PDE10A: variants seen among roughly 807,000 people sequenced by gnomAD.
PDE10A encodes the protein cAMP and cAMP-inhibited cGMP 3',5'-cyclic phosphodiesterase 10A.
A neutral mutation model predicts 97.7 loss-of-function variants in PDE10A; 39 were observed. That is an observed-to-expected ratio of 0.40 (90% CI 0.31 to 0.52). The LOEUF is 0.52. PDE10A is among the 20% of genes least tolerant of loss of function. PDE10A has a pLI of 0.56. For synonymous variants in PDE10A, 371 were observed against 376.8 expected, an observed-to-expected ratio of 0.98 and a Z score of 0.18; for missense variants, 731 against 1,047.8, an observed-to-expected ratio of 0.70 and a Z score of 4.17.
intron 18 of PDE10A, among the ~76,000 whole-genome samples, chr6:165,362,316 A>G (rs956007146): frequency 1.3e-5 from 2 of 152,138 alleles, no homozygotes; most frequent in Non-Finnish European, 2.9e-5. Context: ...AAAGACAGAG[A>G]GGGAGAGGGA....
intron 1 of PDE10A, among the ~76,000 whole-genome samples, chr6:165,731,912 G>A (rs943234672): frequency 2.0e-5 from 3 of 152,204 alleles, no homozygotes; most frequent in Admixed American, 2.0e-4. Flanking sequence ...ATATGCCCAT[G>A]TTGTTCAGTT....
At chr6:165,473,276 CA>C (rs1378313138) in intron 3 of PDE10A, among the ~76,000 whole-genome samples, 2 of 152,086 alleles carry the variant, frequency 1.3e-5, no homozygotes, top group African/African-American at 4.8e-5. Flanking sequence ...TAAACATTCC[CA>C]ACTGATATAA....
Position 165,359,102 on chromosome 6 carries a change from T to C in PDE10A, c.2784-15600A>G, listed in dbSNP as rs1783220107. ...CACTACATATGATACAAACCCTATC[T>C]TACCCTAGTATTATTTTTGCTTGAA... On this transcript the variant is annotated intron_variant, in intron 18 of 21. Transcript: ENST00000539869. 2.0e-5 allele frequency among the ~76,000 whole-genome samples: 3 copies of C among 152,032 alleles called. No homozygotes were observed. The South Asian group carries it at 6.2e-4, about 32-fold the overall frequency.
intron 1 of PDE10A, among the ~76,000 whole-genome samples, chr6:165,809,163 C>A (rs115724809): frequency 6.6e-6 from 1 of 152,160 alleles, no homozygotes; most frequent in Non-Finnish European, 1.5e-5. Context: ...CTGGGACCTG[C>A]GATGCTAGTG....
chr6:165,482,832 T>C (rs981065526), intron 2 of PDE10A, among the ~76,000 whole-genome samples: 1 of 152,202 alleles, frequency 6.6e-6, no homozygotes, highest in African/African-American at 2.4e-5. Flanking sequence ...ACATAGTCAT[T>C]AATAATAGTG....
At chr6:165,849,201 A>G (rs1408237582) in intron 1 of PDE10A, among the ~76,000 whole-genome samples, 3 of 149,704 alleles carry the variant, frequency 2.0e-5, no homozygotes, top group Admixed American at 6.8e-5. Flanking sequence ...TACTGTTGTA[A>G]TGACACAGGA....
chr6:165,617,520 C>T (rs1469076505), intron 1 of PDE10A, among the ~76,000 whole-genome samples: 1 of 152,006 alleles, frequency 6.6e-6, no homozygotes, highest in African/African-American at 2.4e-5. Flanking sequence ...TCTGATCGGC[C>T]ATTAATATTA....
chr6:165,842,826 C>T (rs150753795), intron 1 of PDE10A, among the ~76,000 whole-genome samples: 106 of 152,300 alleles, frequency 7.0e-4, no homozygotes, highest in African/African-American at 1.7e-3. Flanking sequence ...GCAGTTAAAA[C>T]GGACTTGGAA....
At chr6:165,353,236 G>A (rs568239890) in intron 18 of PDE10A, among the ~76,000 whole-genome samples, 1 of 152,206 alleles carries the variant, frequency 6.6e-6, no homozygotes, top group Non-Finnish European at 1.5e-5. Flanking sequence ...TTGCTGGTGG[G>A]AATGCAAAAA....
intron 15 of PDE10A, among the ~76,000 whole-genome samples, chr6:165,394,060 TTTATTATTA>T (rs71026685): frequency 6.6e-6 from 1 of 150,930 alleles, no homozygotes; most frequent in South Asian, 2.1e-4. Flanking sequence ...GTTCTAAACA[TTTATTATTA>T]TTATTATTAT....
intron 1 of PDE10A, among the ~76,000 whole-genome samples, chr6:165,550,102 A>G (rs1371866985): frequency 1.3e-5 from 2 of 152,222 alleles, no homozygotes; most frequent in Non-Finnish European, 2.9e-5. Context: ...ACAATTCCAC[A>G]TCACAGTGCT....
chr6:165,453,477 G>T (rs1278163450), intron 3 of PDE10A, among the ~76,000 whole-genome samples: 1 of 152,210 alleles, frequency 6.6e-6, no homozygotes, highest in East Asian at 1.9e-4. Context: ...CCCACCACAG[G>T]CTCAGAGCAG....
chr6:165,358,183 T>A (rs537197675), intron 18 of PDE10A, among the ~76,000 whole-genome samples: 5 of 152,248 alleles, frequency 3.3e-5, no homozygotes, highest in South Asian at 2.1e-4. Context: ...CTCCTAAGAC[T>A]TCAATCTTTT....
chr6:165,775,034 C>A (rs1444637763), intron 1 of PDE10A: 1 of 152,038 alleles, frequency 6.6e-6, no homozygotes, highest in South Asian at 2.1e-4. Context: ...TCCCAGGGGT[C>A]CTGTGAAACG....
intron 1 of PDE10A, among the ~76,000 whole-genome samples, chr6:165,787,702 C>T (rs1778533228): frequency 6.6e-6 from 1 of 152,146 alleles, no homozygotes; most frequent in African/African-American, 2.4e-5. Flanking sequence ...TTCAATAAAA[C>T]TCATTGAACT....
chr6:165,398,497 C>T (rs1786362840), intron 13 of PDE10A, among the ~76,000 whole-genome samples: 1 of 136,852 alleles, frequency 7.3e-6, no homozygotes, highest in African/African-American at 2.7e-5. Flanking sequence ...CTCTCTCTCT[C>T]TCAAAAAAAA....
intron 1 of PDE10A, among the ~76,000 whole-genome samples, chr6:165,574,163 G>T (rs1199950622): frequency 6.6e-6 from 1 of 152,022 alleles, no homozygotes; most frequent in African/African-American, 2.4e-5. Flanking sequence ...TCTTTTAAAG[G>T]GGTGTTCTAG....
intron 13 of PDE10A, among the ~76,000 whole-genome samples, chr6:165,410,654 C>A (rs1307881644): frequency 6.6e-6 from 1 of 152,072 alleles, no homozygotes; most frequent in African/African-American, 2.4e-5. Context: ...CAGGACCTTT[C>A]AAGTGCAGAC....
At chr6:165,465,545 T>C (rs1269350317) in intron 3 of PDE10A, among the ~76,000 whole-genome samples, 3 of 152,178 alleles carry the variant, frequency 2.0e-5, no homozygotes, top group Admixed American at 6.5e-5. Context: ...TATGAAGACA[T>C]ACCCAAGACT....
Sources: gnomAD v4.1 joint callset for allele counts (sites outside exome capture counted in the v4.1 genomes callset) on GRCh38, gnomAD v4.1.1 for gene constraint, MANE v1.5 for transcripts, NCBI Gene and HGNC (gene_info 2026-07-23, HGNC 2026-07-21) for gene names.